BUB1B: variants seen among roughly 807,000 people sequenced by gnomAD.
BUB1B encodes the protein mitotic checkpoint serine/threonine-protein kinase BUB1 beta.
BUB1B carries 86 observed loss-of-function variants against 137.7 expected under a neutral mutation model. That is an observed-to-expected ratio of 0.62 (90% CI 0.52 to 0.75). BUB1B has a LOEUF of 0.75. BUB1B is among the 30% of genes least tolerant of loss of function. The pLI is 0.00. For synonymous variants in BUB1B, 420 were observed against 417.9 expected (o/e 1.00, Z -0.06); for missense variants, 1,130 against 1,236.9 (o/e 0.91, Z 1.30).
At chr15:40,206,943 G>T (rs2037645215) in intron 15 of BUB1B, among the ~76,000 whole-genome samples, 2 of 152,094 alleles carry the variant, frequency 1.3e-5, no homozygotes, top group Admixed American at 1.3e-4. Context: ...CCAAGTAGCT[G>T]GGACTACAGG....
Position 40,190,957 on chromosome 15 carries a change from G to T in BUB1B, c.1058+5315G>T, listed in dbSNP as rs1328533646. 2.0e-5 allele frequency among the ~76,000 whole-genome samples: 3 copies of T among 150,612 alleles called. No homozygotes were observed. The East Asian group carries it at 5.8e-4, about 29-fold the overall frequency. On this transcript the variant is annotated intron_variant, in intron 8 of 22. Transcript: ENST00000287598. ...TTCTGGAGTGCAGTAGTGCCATCGT[G>T]GCTCACTGCAACCTCAGCTTCCCGG...
intron 2 of BUB1B, among the ~76,000 whole-genome samples, chr15:40,167,706 T>C (rs1423630716): frequency 1.3e-5 from 2 of 152,156 alleles, no homozygotes; most frequent in Admixed American, 6.6e-5. Context: ...GTATATGGTG[T>C]GGGGTTGGAG....
chr15:40,196,416 T>C, intron 8 of BUB1B, 129 bp from the exon 9 acceptor site: 2 of 816,180 alleles, frequency 2.5e-6, no homozygotes, highest in South Asian at 1.6e-5. Context: ...AGTCAGGTAA[T>C]GTAAGGCCTC....
At chr15:40,170,295 A>G (rs1396004297) in intron 3 of BUB1B, 174 bp downstream of exon 3, 7 of 783,436 alleles carry the variant, frequency 8.9e-6, no homozygotes, top group Non-Finnish European at 1.2e-5. Flanking sequence ...AGATTCAAGA[A>G]ATTTCAAGTT....
rs2037818891 is a variant in BUB1B at position 40,217,782 on chromosome 15, A to G, written c.2850+115A>G. The G allele has an allele frequency of 5.5e-6, 7 of 1,265,962 alleles. 1 individual carries two copies. In the South Asian group the frequency reaches 8.5e-5, roughly 15 times the overall value. The allele number at this position is 1,265,962 out of a possible 1,614,324, so 78.4% of individuals were successfully genotyped here. On this transcript the variant is annotated intron_variant, in intron 21 of 22. Coordinates refer to ENST00000287598, the MANE Select transcript of BUB1B (RefSeq NM_001211.6). ...TACCGACTCCTAGAATAGATGACCT[A>G]GTTTTCAAATATCACCAAGTCAAGT... is the stretch of plus-strand genomic sequence containing the variant.
chr15:40,185,568 T>C lies in BUB1B; in HGVS notation c.984T>C (p.Ala328=), dbSNP rs772550725. 1 of 1,614,254 alleles carries C rather than the reference T, an allele frequency of 6.2e-7. No individual in the cohort carries two copies. Among genetic ancestry groups the C allele is most frequent in the East Asian group, 2.2e-5 (1 of 44,896 alleles). ...SLEHRPRGNT[A]SLIAVPAVLP... ...ATCTCCAGCCTCGTGGCAATACAGC[T>C]TCACTGATAGCTGTACCCGCTGTGC... is the stretch of plus-strand genomic sequence containing the variant. Residue 328 remains alanine, a synonymous_variant, in exon 8 of 23, where the codon GCT becomes GCC. Coordinates refer to ENST00000287598, the MANE Select transcript of BUB1B (RefSeq NM_001211.6).
intron 20 of BUB1B, among the ~76,000 whole-genome samples, chr15:40,214,028 G>A (rs1032807785): frequency 2.6e-5 from 4 of 152,198 alleles, no homozygotes; most frequent in Non-Finnish European, 2.9e-5. Context: ...TATATGTCAA[G>A]ATGAGATATA....
At chr15:40,185,405 T>C (rs758329715) in intron 7 of BUB1B, 26 bp downstream of exon 7, 1 of 1,611,554 alleles carries the variant, frequency 6.2e-7, no homozygotes, top group East Asian at 2.2e-5. Context: ...TCCAGTGCTT[T>C]GCTGACACAA....
At chr15:40,207,126 A>C (rs2037647865) in intron 15 of BUB1B, among the ~76,000 whole-genome samples, 2 of 152,286 alleles carry the variant, frequency 1.3e-5, no homozygotes, top group South Asian at 4.1e-4. Flanking sequence ...TGTGAATTTT[A>C]AATAGGCAAC....
chr15:40,165,851 ATT>A (rs398039434), intron 2 of BUB1B, among the ~76,000 whole-genome samples: 2 of 144,876 alleles, frequency 1.4e-5, no homozygotes, highest in Non-Finnish European at 3.0e-5. Context: ...ATCTCTTTGG[ATT>A]TTTTTTTTTT....
rs758569788 is a variant in BUB1B at position 40,196,581 on chromosome 15, C to T, written c.1095C>T (p.Ile365=). Reference sequence around the variant, plus strand: ...AAATTGAACCTAGTATAAACCACATCCTAAGCACCAGAAAGCCTGGAAAGG... The same window carrying T: ...AAATTGAACCTAGTATAAACCACATTCTAAGCACCAGAAAGCCTGGAAAGG... ...PCKIEPSINH[I]LSTRKPGKEE... is the part of the protein sequence containing the mutation. Residue 365 remains isoleucine (I), a synonymous_variant, in exon 9 of 23, where the codon ATC becomes ATT. Coordinates refer to ENST00000287598, the MANE Select transcript of BUB1B (RefSeq NM_001211.6). 1.2e-6 allele frequency: 2 copies of T among 1,613,720 alleles called. No individual in the cohort carries two copies. The highest frequency in any genetic ancestry group is 1.1e-5 in the South Asian group (1 of 91,076).
At chr15:40,162,073 G>A (rs1019125972) in intron 1 of BUB1B, among the ~76,000 whole-genome samples, 5 of 152,102 alleles carry the variant, frequency 3.3e-5, no homozygotes, top group Non-Finnish European at 5.9e-5. Context: ...AAATAATAAA[G>A]CAACTGGGTG....
At chr15:40,183,956 AAATAT>A (rs1275860618) in intron 6 of BUB1B, 73 bp downstream of exon 6, 2 of 1,494,618 alleles carry the variant, frequency 1.3e-6, no homozygotes, top group African/African-American at 2.8e-5. Flanking sequence ...GATAATACAT[AAATAT>A]ACCTGTGGAC....
rs994717799 is a variant in BUB1B at position 40,206,232 on chromosome 15, G to A, written c.1783G>A (p.Gly595Ser). 2 of 1,613,996 alleles carry A rather than the reference G, an allele frequency of 1.2e-6. No homozygotes were observed. The highest frequency in any genetic ancestry group is 2.7e-5 in the African/African-American group (2 of 74,908). Residue 595 changes from glycine to serine, a missense_variant, in exon 15 of 23, where the codon GGC (glycine) becomes AGC (serine). Gly to Ser is a moderately conservative substitution (Grantham distance 56). Transcript: ENST00000287598. ...CTTGAGCGAGGATGCCATTATCACA[G>A]GCTTCAGAAATGTAACAATTTGTCC... ...EPLSEDAIIT[G>S]FRNVTICPNP...
At position 40,196,557 on chromosome 15, in the gene BUB1B, A is replaced by G. The variant is rs1595526276; in HGVS notation, c.1071A>G (p.Lys357=). 1.9e-6 allele frequency: 3 copies of G among 1,613,792 alleles called. No homozygotes were observed. The highest frequency in any genetic ancestry group is 2.5e-6 in the Non-Finnish European group (3 of 1,179,774). ...TTTGCTTCTTTAGGACACCATGTAA[A>G]ATTGAACCTAGTATAAACCACATCC... ...TARQPVMTPC[K]IEPSINHILS... Residue 357 remains lysine (K), a synonymous_variant, in exon 9 of 23, where the codon AAA becomes AAG. Transcript: ENST00000287598.
At chr15:40,220,406 C>G (rs1172089011) in intron 22 of BUB1B, among the ~76,000 whole-genome samples, 158 bp from the exon 23 acceptor site, 1 of 152,074 alleles carries the variant, frequency 6.6e-6, no homozygotes, top group East Asian at 1.9e-4. Flanking sequence ...TAGTTCTTCC[C>G]TGGGCTTTCA....
rs573538039 is a variant in BUB1B at position 40,187,982 on chromosome 15, T to C, written c.1058+2340T>C. ...AACATACATTTGTAGATGTCTGGTT[T>C]TTCTAATGTTTCAAGTCATTTTGTA... On this transcript the variant is annotated intron_variant, in intron 8 of 22. Transcript: ENST00000287598. Among the ~76,000 whole-genome samples, 12 of 152,378 alleles carry C rather than the reference T, an allele frequency of 7.9e-5. No homozygotes were observed. The South Asian group carries it at 2.5e-3, about 32-fold the overall frequency.
At chr15:40,176,067 G>C (rs1230786434) in intron 4 of BUB1B, among the ~76,000 whole-genome samples, 1 of 152,072 alleles carries the variant, frequency 6.6e-6, no homozygotes, top group Middle Eastern at 3.2e-3. Flanking sequence ...TCCTGCCCCA[G>C]CCTCCTGGGT....
At position 40,208,719 on chromosome 15, in the gene BUB1B, A is replaced by G. The variant is rs754481856; in HGVS notation, c.2092A>G (p.Ile698Val). 8.7e-6 allele frequency: 14 copies of G among 1,613,738 alleles called. No individual in the cohort carries two copies. The South Asian group carries it at 8.8e-5, about 10-fold the overall frequency. ...TGCCTCGGTTGCAAGCACCTCCTCC[A>G]TCAAATGTCTTCAAATTCCTGAGAA... Reference protein sequence around the residue: ...SSASVASTSSIKCLQIPEKLE... With the variant: ...SSASVASTSSVKCLQIPEKLE... The change falls in exon 16 of 23, where the codon ATC (isoleucine) becomes GTC (valine). Residue 698 changes from isoleucine to valine, a missense_variant. Physicochemically the swap from Ile to Val is conservative, Grantham distance 29. Transcript: ENST00000287598.
Sources: allele counts gnomAD v4.1 joint callset (sites outside exome capture counted in the v4.1 genomes callset), GRCh38; gene constraint gnomAD v4.1.1; transcripts MANE v1.5; gene names NCBI Gene and HGNC (gene_info 2026-07-23, HGNC 2026-07-21).